The following NECTIN3 variants were observed in gnomAD, a reference collection of about 807,000 sequenced individuals.
NECTIN3 encodes nectin cell adhesion molecule 3, also known as nectin-3.
NECTIN3 carries 8 observed loss-of-function variants against 49.4 expected under a neutral mutation model. The observed-to-expected ratio is 0.16, with a 90% CI of 0.10 to 0.29. NECTIN3 has a LOEUF of 0.29. Among genes scored for constraint, NECTIN3 ranks in the 10% least tolerant of loss-of-function variants. The pLI, the probability that NECTIN3 is intolerant of heterozygous loss-of-function variation, is 1.00. For missense variants in NECTIN3, 581 were observed against 654.6 expected (o/e 0.89, Z 1.23); for synonymous variants, 277 against 241.1 (o/e 1.15, Z -1.38).
intron 1 of NECTIN3, among the ~76,000 whole-genome samples, chr3:111,194,096 G>C (rs928732436): frequency 1.3e-5 from 2 of 152,152 alleles, no homozygotes; most frequent in African/African-American, 4.8e-5. Context: ...CTCTGTCACT[G>C]TTCCTACAGT....
chr3:111,111,898 CAT>C lies in NECTIN3; in HGVS notation c.161-131_161-130del, dbSNP rs1559784910. ...GTGTGAGTGCATGTGTGTGTGTGTG[CAT>C]GTGTGTGTGTGTGTGTGTGTGTGTG... On this transcript the variant is annotated intron_variant, in intron 1 of 5. Transcript: ENST00000485303. 37 of 418,960 alleles carry C rather than the reference CAT, an allele frequency of 8.8e-5. No homozygotes were observed. The African/African-American group carries it at 1.5e-3, about 17-fold the overall frequency. The allele number at this position is 418,960 out of a possible 1,614,324, so 26.0% of individuals were successfully genotyped here.
At chr3:111,104,628 C>A (rs574110125) in intron 1 of NECTIN3, among the ~76,000 whole-genome samples, 2 of 151,978 alleles carry the variant, frequency 1.3e-5, no homozygotes, top group Admixed American at 1.3e-4. Context: ...ACCTCTTTTG[C>A]TCATGTTTTA....
At chr3:111,186,841 CAGATTTAGAGT>C in intron 7 of NECTIN3, among the ~76,000 whole-genome samples, 3 of 152,204 alleles carry the variant, frequency 2.0e-5, no homozygotes, top group East Asian at 3.9e-4. Flanking sequence ...ATACGTATTA[CAGATTTAGAGT>C]AGCCCAAGGC....
At chr3:111,074,300 T>C (rs1415062125) in intron 1 of NECTIN3, 4 of 455,768 alleles carry the variant, frequency 8.8e-6, no homozygotes, top group Non-Finnish European at 8.8e-6. Context: ...TTTTAGTTAA[T>C]AGAGTTATAA....
intron 7 of NECTIN3, among the ~76,000 whole-genome samples, chr3:111,187,097 T>A (rs988287697): frequency 1.3e-5 from 2 of 152,198 alleles, no homozygotes; most frequent in Non-Finnish European, 1.5e-5. Context: ...ATGGTATAGA[T>A]GCTTTGGGAG....
At chr3:111,103,453 C>CT (rs78643326) in intron 1 of NECTIN3, among the ~76,000 whole-genome samples, 95 of 138,750 alleles carry the variant, frequency 6.8e-4, no homozygotes, top group South Asian at 2.3e-3. Context: ...AAGTGATTGA[C>CT]TTTTTTTTTT....
intron 1 of NECTIN3, among the ~76,000 whole-genome samples, chr3:111,079,871 A>G (rs767997413): frequency 6.6e-6 from 1 of 152,104 alleles, no homozygotes; most frequent in Non-Finnish European, 1.5e-5. Flanking sequence ...CTGAGGTTAT[A>G]TGATTATCTT....
chr3:111,165,339 G>A (rs148664704), intron 7 of NECTIN3, among the ~76,000 whole-genome samples: 72 of 152,106 alleles, frequency 4.7e-4, no homozygotes, highest in Non-Finnish European at 1.9e-4. Flanking sequence ...CACCGTGCCC[G>A]GCCAGATTTT....
At chr3:111,105,119 TTTC>T (rs2033116022) in intron 1 of NECTIN3, among the ~76,000 whole-genome samples, 2 of 149,846 alleles carry the variant, frequency 1.3e-5, no homozygotes, top group African/African-American at 4.9e-5. Flanking sequence ...TCTTTTTTGT[TTTC>T]TTTTCTTTTT....
At chr3:111,107,404 C>T (rs913471143) in intron 1 of NECTIN3, among the ~76,000 whole-genome samples, 2 of 152,048 alleles carry the variant, frequency 1.3e-5, no homozygotes, top group African/African-American at 4.8e-5. Context: ...CAAAACTAAA[C>T]TTTTAAATCA....
Position 111,136,273 on chromosome 3 carries a change from A to AT in NECTIN3, c.*2062dup. On this transcript the variant is annotated 3_prime_UTR_variant, in exon 6 of 6. Coordinates refer to ENST00000485303, the MANE Select transcript of NECTIN3 (RefSeq NM_015480.3). ...ATAATCTGAAGGAAATTAGCAGTGT[A>AT]TTTTAAGAAATATATTTCAAAAATA... The AT allele has an allele frequency of 2.1e-6, 2 of 966,746 alleles. No homozygotes were observed. Among genetic ancestry groups the AT allele is most frequent in the South Asian group, 9.6e-5 (2 of 20,924 alleles). 59.9% of individuals were successfully genotyped at this position (966,746 alleles called of 1,614,324 possible).
chr3:111,138,691 G>GT (rs1185635702), downstream of NECTIN3, among the ~76,000 whole-genome samples: 1 of 151,574 alleles, frequency 6.6e-6, no homozygotes, highest in Non-Finnish European at 1.5e-5. Flanking sequence ...AATAGCTGCT[G>GT]TTTTTTCTGG....
intron 1 of NECTIN3, chr3:111,072,739 C>A: frequency 1.5e-6 from 1 of 672,658 alleles, no homozygotes; most frequent in Non-Finnish European, 2.4e-6. Flanking sequence ...GCCCTGACAG[C>A]TTCTGGAGCT....
intron 1 of NECTIN3, among the ~76,000 whole-genome samples, chr3:111,080,592 A>C (rs562242431): frequency 1.3e-5 from 2 of 151,844 alleles, no homozygotes; most frequent in African/African-American, 4.8e-5. Flanking sequence ...TGACCTGTGT[A>C]TGAGCTTTAT....
chr3:111,115,825 A>G (rs950583439), intron 2 of NECTIN3, among the ~76,000 whole-genome samples: 3 of 152,272 alleles, frequency 2.0e-5, no homozygotes, highest in African/African-American at 4.8e-5. Context: ...AGGAATAATT[A>G]GCAGAATTTT....
At chr3:111,165,445 T>C (rs1034317835) in intron 7 of NECTIN3, among the ~76,000 whole-genome samples, 5 of 152,180 alleles carry the variant, frequency 3.3e-5, no homozygotes, top group African/African-American at 1.2e-4. Context: ...AGATCTTTAC[T>C]ACTTAGAGAA....
intron 7 of NECTIN3, among the ~76,000 whole-genome samples, chr3:111,171,376 A>G (rs1247902695): frequency 1.3e-5 from 2 of 152,294 alleles, no homozygotes; most frequent in African/African-American, 4.8e-5. Flanking sequence ...TCCTCATGTA[A>G]AAGGAGGGCA....
chr3:111,072,092 C>T lies in NECTIN3; in HGVS notation c.75C>T (p.Leu25=), dbSNP rs1246798843. Residue 25 remains leucine (L), a synonymous_variant, in exon 1 of 6, where the codon CTC becomes CTT. Transcript: ENST00000485303. Reference sequence around the variant, plus strand: ...CACAACTTTCCTCCGCTTCTCTCCTCGGAGCCGGGCTCCTGCTGCAGCCCC... The same window carrying T: ...CACAACTTTCCTCCGCTTCTCTCCTTGGAGCCGGGCTCCTGCTGCAGCCCC... ...GKAQLSSASL[L]GAGLLLQPPT... The T allele has an allele frequency of 1.3e-6, 2 of 1,549,512 alleles. No individual in the cohort carries two copies. Among genetic ancestry groups the T allele is most frequent in the Admixed American group, 2.0e-5 (1 of 50,904 alleles).
intron 1 of NECTIN3, among the ~76,000 whole-genome samples, chr3:111,095,899 G>A (rs562069344): frequency 1.3e-5 from 2 of 152,216 alleles, no homozygotes; most frequent in South Asian, 4.2e-4. Flanking sequence ...CTCAGTCTCG[G>A]GTATGTCTTT....
Sources: allele counts gnomAD v4.1 joint callset (sites outside exome capture counted in the v4.1 genomes callset), GRCh38; gene constraint gnomAD v4.1.1; transcripts MANE v1.5; gene names NCBI Gene and HGNC (gene_info 2026-07-23, HGNC 2026-07-21).